OGDH: variants seen among roughly 807,000 people sequenced by gnomAD.
OGDH encodes the protein oxoglutarate dehydrogenase.
OGDH carries 38 observed loss-of-function variants against 116.6 expected under a neutral mutation model. The observed-to-expected ratio is 0.33, with a 90% CI of 0.25 to 0.43. OGDH has a LOEUF of 0.43. Ranked by LOEUF, OGDH falls within the 20% of genes least tolerant of loss-of-function variation. The pLI, the probability that OGDH is intolerant of heterozygous loss-of-function variation, is 1.00. For missense variants in OGDH, 825 were observed against 1,357.2 expected, an observed-to-expected ratio of 0.61 and a Z score of 6.16; for synonymous variants, 488 against 533.3, an observed-to-expected ratio of 0.92 and a Z score of 1.17.
At chr7:44,706,305 T>C (rs1789066772) in intron 20 of OGDH, among the ~76,000 whole-genome samples, 1 of 149,424 alleles carries the variant, frequency 6.7e-6, no homozygotes. Flanking sequence ...AGAGTAAACA[T>C]GGGATTTTTT....
At chr7:44,610,612 TTTTG>T (rs1408982870) in intron 1 of OGDH, among the ~76,000 whole-genome samples, 19 of 151,182 alleles carry the variant, frequency 1.3e-4, no homozygotes, top group African/African-American at 3.4e-4. Flanking sequence ...CTTTTCATCT[TTTTG>T]TTTGTTTGTT....
Position 44,668,392 on chromosome 7 carries a change from C to T in OGDH, c.633+1541C>T, listed in dbSNP as rs965703350. On this transcript the variant is annotated intron_variant, in intron 5 of 22. Coordinates refer to ENST00000222673, the MANE Select transcript of OGDH (RefSeq NM_002541.4). ...GGGAGGTTGCAGTGAGCGAAGATCG[C>T]GCCACTGCACTCCAGCCTGGGCAAC... 1.2e-4 allele frequency among the ~76,000 whole-genome samples: 18 copies of T among 152,130 alleles called. No homozygotes were observed. In the East Asian group the frequency reaches 2.7e-3, roughly 23 times the overall value.
intron 1 of OGDH, among the ~76,000 whole-genome samples, chr7:44,613,544 A>G (rs1784649005): frequency 6.6e-6 from 1 of 151,604 alleles, no homozygotes. Flanking sequence ...TATTTTTAGT[A>G]GAGATGGGGT....
chr7:44,626,430 G>T (rs1308188038), intron 2 of OGDH, among the ~76,000 whole-genome samples: 1 of 151,980 alleles, frequency 6.6e-6, no homozygotes, highest in African/African-American at 2.4e-5. Flanking sequence ...ACTATTATGT[G>T]CCCAGGCCTA....
intron 1 of OGDH, among the ~76,000 whole-genome samples, chr7:44,616,818 T>TAC (rs1491521246): frequency 1.7e-5 from 2 of 115,786 alleles, no homozygotes; most frequent in Middle Eastern, 4.0e-3. Context: ...CATATATACG[T>TAC]ATATATGTGT....
At chr7:44,688,710 G>A (rs1030513105) in intron 10 of OGDH, among the ~76,000 whole-genome samples, 5 of 151,880 alleles carry the variant, frequency 3.3e-5, no homozygotes, top group Admixed American at 6.6e-5. Flanking sequence ...GATTACAAGC[G>A]TGAGCCACAG....
At position 44,693,855 on chromosome 7, in the gene OGDH, C is replaced by G; in HGVS notation, c.1366C>G (p.Arg456Gly). The change falls in exon 11 of 23, where the codon CGC becomes GGC. Residue 456 changes from arginine (R) to glycine (G), a missense_variant. Coordinates refer to ENST00000222673, the MANE Select transcript of OGDH (RefSeq NM_002541.4). ...CTTCACCACCGACCCTCGGATGGCC[C>G]GCTCCTCCCCCTACCCCACTGACGT... ...IGFTTDPRMA[R>G]SSPYPTDVAR... 1.2e-6 allele frequency: 2 copies of G among 1,605,786 alleles called. No homozygotes were observed. The highest frequency in any genetic ancestry group is 1.7e-6 in the Non-Finnish European group (2 of 1,173,956).
intron 2 of OGDH, among the ~76,000 whole-genome samples, chr7:44,643,482 G>T (rs1786040514): frequency 6.6e-6 from 1 of 152,178 alleles, no homozygotes; most frequent in African/African-American, 2.4e-5. Flanking sequence ...AGACTCCCCT[G>T]CATGAGGCAG....
chr7:44,671,551 C>T (rs913332756), intron 5 of OGDH, among the ~76,000 whole-genome samples: 2 of 151,370 alleles, frequency 1.3e-5, no homozygotes, highest in Non-Finnish European at 2.9e-5. Flanking sequence ...ATCACGAGGT[C>T]AGGAGATCGA....
rs766794702 is a variant in OGDH, at chr7:44,707,550, C to G, written c.2797-32C>G. On this transcript the variant is annotated intron_variant, in intron 21 of 22. Transcript: ENST00000222673. The surrounding 1 kb of genome is among the most constrained non-coding windows in gnomAD (Gnocchi z 5.2). Reference sequence around the variant, plus strand: ...GGATCTTGCCTGCCCTCTGAGTTTCCTCTTTTTGATCTGACCCCTGCTGTC... The same window carrying G: ...GGATCTTGCCTGCCCTCTGAGTTTCGTCTTTTTGATCTGACCCCTGCTGTC... 1 of 1,611,004 alleles carries G rather than the reference C, an allele frequency of 6.2e-7. No individual in the cohort carries two copies. Among genetic ancestry groups the G allele is most frequent in the South Asian group, 1.1e-5 (1 of 91,030 alleles).
chr7:44,695,986 C>T (rs1186921963), intron 12 of OGDH, 39 bp from the exon 13 acceptor site: 1 of 1,135,476 alleles, frequency 8.8e-7, no homozygotes, highest in South Asian at 1.2e-5. Flanking sequence ...AGTAGTCATG[C>T]CCTGTGCCAG....
chr7:44,671,747 G>A (rs1163463259), intron 5 of OGDH, among the ~76,000 whole-genome samples: 1 of 131,758 alleles, frequency 7.6e-6, no homozygotes, highest in Non-Finnish European at 1.6e-5. Context: ...CAGTCTGGGC[G>A]ACAAAGCGAG....
chr7:44,702,220 G>A lies in OGDH; in HGVS notation c.2632+605G>A, dbSNP rs367895342. On this transcript the variant is annotated intron_variant, in intron 20 of 22. Coordinates refer to ENST00000222673, the MANE Select transcript of OGDH (RefSeq NM_002541.4). ...CAAGGACTCCACTAGAGGCAATTAAGTATGTCCAAGATTGAGGGTTAGTGC... is the reference window on the plus strand; with the variant it reads ...CAAGGACTCCACTAGAGGCAATTAAATATGTCCAAGATTGAGGGTTAGTGC... 4.6e-5 allele frequency among the ~76,000 whole-genome samples: 7 copies of A among 152,360 alleles called. No homozygotes were observed. In the East Asian group the frequency reaches 1.3e-3, roughly 29 times the overall value.
intron 4 of OGDH, among the ~76,000 whole-genome samples, chr7:44,648,703 TA>T (rs2115824067): frequency 6.6e-6 from 1 of 152,300 alleles, no homozygotes; most frequent in East Asian, 1.9e-4. Context: ...ATTACTAAGT[TA>T]TGTCTAGGGG....
intron 4 of OGDH, among the ~76,000 whole-genome samples, 186 bp downstream of exon 4, chr7:44,647,945 A>G (rs996968563): frequency 1.3e-5 from 2 of 152,212 alleles, no homozygotes; most frequent in African/African-American, 4.8e-5. Flanking sequence ...TTACTTTTTC[A>G]GCCAGATTGT....
At chr7:44,685,550 C>T in intron 10 of OGDH, among the ~76,000 whole-genome samples, 1 of 152,102 alleles carries the variant, frequency 6.6e-6, no homozygotes, top group South Asian at 2.1e-4. Flanking sequence ...TCCACATTTT[C>T]CTGTTATGAA....
intron 20 of OGDH, among the ~76,000 whole-genome samples, chr7:44,702,404 A>T (rs1585400646): frequency 6.6e-6 from 1 of 152,124 alleles, no homozygotes; most frequent in African/African-American, 2.4e-5. Context: ...GACCCATAAC[A>T]TTGAGATTTC....
At chr7:44,615,296 TG>T (rs1012118539) in intron 1 of OGDH, among the ~76,000 whole-genome samples, 2 of 152,120 alleles carry the variant, frequency 1.3e-5, no homozygotes, top group African/African-American at 4.8e-5. Flanking sequence ...GTGCGGTGTC[TG>T]GGGGGAGGGA....
chr7:44,670,593 A>G (rs565947137), intron 5 of OGDH, among the ~76,000 whole-genome samples: 26 of 152,142 alleles, frequency 1.7e-4, no homozygotes, highest in East Asian at 9.6e-4. Flanking sequence ...TAAAGTTGAG[A>G]TGGTACAGTG....
Sources: gnomAD v4.1 joint callset for allele counts (sites outside exome capture counted in the v4.1 genomes callset) on GRCh38, gnomAD v4.1.1 for gene constraint, Gnocchi (gnomAD v3.1) non-coding constraint, MANE v1.5 for transcripts, NCBI Gene and HGNC (gene_info 2026-07-23, HGNC 2026-07-21) for gene names.